SPTBN5: variants seen among roughly 807,000 people sequenced by gnomAD.
SPTBN5 encodes spectrin beta, non-erythrocytic 5, also known as spectrin beta chain, non-erythrocytic 5.
Under a neutral mutation model 477.6 loss-of-function variants are expected in SPTBN5, and 513 were observed. The ratio of observed to expected loss-of-function variants is 1.07; its 90% CI spans 1.00 to 1.16. SPTBN5 has a LOEUF of 1.16. SPTBN5 is among the 50% of genes most tolerant of loss of function. The pLI is 0.00. For missense variants in SPTBN5, 5,062 were observed against 4,731.8 expected (o/e 1.07, Z -2.05); for synonymous variants, 2,169 against 2,011.7 (o/e 1.08, Z -2.09).
intron 25 of SPTBN5, 36 bp from the exon 26 acceptor site, chr15:41,873,644 C>T: frequency 6.6e-7 from 1 of 1,518,578 alleles, no homozygotes; most frequent in Non-Finnish European, 8.9e-7. Context: ...TGGAGGATCT[C>T]AGACAGGACC....
At chr15:41,856,739 TC>T (rs1466254057) in intron 52 of SPTBN5, 113 bp downstream of exon 52, 3 of 1,352,218 alleles carry the variant, frequency 2.2e-6, no homozygotes, top group Non-Finnish European at 3.0e-6. Flanking sequence ...ATCCAGGGCA[TC>T]CCAAAAGCCC....
Position 41,865,875 on chromosome 15 carries a change from C to A in SPTBN5, c.6851G>T (p.Gly2284Val). Residue 2284 changes from glycine (G) to valine (V), a missense_variant, in exon 39 of 68, where the codon GGC becomes GTC. Physicochemically the swap from Gly to Val is moderately radical, Grantham distance 109. Transcript: ENST00000320955. ...CTGCAGGCAGTGCTCCAGGTCCTGG[C>A]CCAGGTCACCAACATTCATCTTCAC... ...KEVKMNVGDL[G>V]QDLEHCLQLR... 1.3e-6 allele frequency: 2 copies of A among 1,584,056 alleles called. No individual in the cohort carries two copies. The highest frequency in any genetic ancestry group is 2.3e-5 in the East Asian group (1 of 43,208).
At position 41,853,268 on chromosome 15, in the gene SPTBN5, A is replaced by G. The variant is rs763788049; in HGVS notation, c.10160T>C (p.Met3387Thr). 1.2e-6 allele frequency: 2 copies of G among 1,604,880 alleles called. No homozygotes were observed. The highest frequency in any genetic ancestry group is 1.7e-6 in the Non-Finnish European group (2 of 1,173,672). Reference protein sequence around the residue: ...GQQLVDNSHFMSAEVTECLQE... With the variant: ...GQQLVDNSHFTSAEVTECLQE... ...CCTCTGAGTTCACACCTCCGCAGAC[A>G]TGAAGTGGCTGTTGTCCACCAGCTG... Residue 3387 changes from methionine to threonine, a missense_variant, in exon 59 of 68, where the codon ATG becomes ACG. Met to Thr is a moderately conservative substitution (Grantham distance 81). Coordinates refer to ENST00000320955, the MANE Select transcript of SPTBN5 (RefSeq NM_016642.4).
chr15:41,888,882 C>T (rs1158311230), intron 4 of SPTBN5, among the ~76,000 whole-genome samples: 1 of 152,214 alleles, frequency 6.6e-6, no homozygotes, highest in Non-Finnish European at 1.5e-5. Flanking sequence ...GGAGTGGAGT[C>T]TCGAGGCCCT....
In SPTBN5 at chr15:41,867,623, G is replaced by T; in HGVS notation, c.6227C>A (p.Ala2076Asp). 6.2e-7 allele frequency: 1 copy of T among 1,613,606 alleles called. No individual in the cohort carries two copies. Among genetic ancestry groups the T allele is most frequent in the Non-Finnish European group, 8.5e-7 (1 of 1,179,884 alleles). Reference sequence around the variant, plus strand: ...TACCTCTTCCACCGAGCTCCCCAAGGCACTGGTTTTCAGGGAGACCTGGAT... The same window carrying T: ...TACCTCTTCCACCGAGCTCCCCAAGTCACTGGTTTTCAGGGAGACCTGGAT... ...AAQEVSLKTS[A>D]LGSSVEEVEQ... The change falls in exon 35 of 68, where the codon GCC becomes GAC. Residue 2076 changes from alanine (A) to aspartate (D), a missense_variant. By Grantham distance (126) the Ala-to-Asp change is moderately radical. Coordinates refer to ENST00000320955, the MANE Select transcript of SPTBN5 (RefSeq NM_016642.4).
chr15:41,885,881 G>A lies in SPTBN5; in HGVS notation c.1374C>T (p.Ser458=). The change falls in exon 7 of 68, where the codon AGC becomes AGT. Residue 458 remains serine, a synonymous_variant. Transcript: ENST00000320955. ...GGACGGCTGCCTCCACTGTGGCCAG[G>A]CTGGCTGGCGGGGCTCTGGCCTGGT... is the stretch of plus-strand genomic sequence containing the variant. The part of the protein sequence containing the change: ...VLDQARAPPA[S]LATVEAAVQR... 1 of 1,582,576 alleles carries A rather than the reference G, an allele frequency of 6.3e-7. No individual in the cohort carries two copies. The highest frequency in any genetic ancestry group is 8.6e-7 in the Non-Finnish European group (1 of 1,164,468).
chr15:41,882,035 G>A lies in SPTBN5; in HGVS notation c.2358C>T (p.Arg786=). ...GCAGGACGCGCTCCAGCCGCACGTG[G>A]CGCCTCAGCAGGGTCTCGGCGGCCG... ...DQAAAETLLR[R]HVRLERVLRA... Residue 786 remains arginine (R), a synonymous_variant, in exon 12 of 68, where the codon CGC becomes CGT. Coordinates refer to ENST00000320955, the MANE Select transcript of SPTBN5 (RefSeq NM_016642.4). The A allele has an allele frequency of 8.4e-6, 13 of 1,549,824 alleles. No individual in the cohort carries two copies. Among genetic ancestry groups the A allele is most frequent in the East Asian group, 2.4e-5 (1 of 40,902 alleles).
rs1385277557 is a variant in SPTBN5 at position 41,878,631 on chromosome 15, T to C, written c.3183-2A>G. 2 of 1,608,598 alleles carry C rather than the reference T, an allele frequency of 1.2e-6. No homozygotes were observed. The highest frequency in any genetic ancestry group is 1.7e-4 in the Middle Eastern group (1 of 6,036). ...TCTGCGTAGCCTGGCTCCTCGACCC[T>C]GGGAGACAGGGTGCGCTGCACAGTC... On this transcript the variant is annotated splice_acceptor_variant, in intron 16 of 67. Coordinates refer to ENST00000320955, the MANE Select transcript of SPTBN5 (RefSeq NM_016642.4). LOFTEE classifies it high-confidence loss of function.
In SPTBN5 at chr15:41,854,087, G is replaced by A. The variant is rs561365751; in HGVS notation, c.9737C>T (p.Ser3246Phe). 5.7e-6 allele frequency: 9 copies of A among 1,580,354 alleles called. No homozygotes were observed. Among genetic ancestry groups the A allele is most frequent in the Non-Finnish European group, 7.7e-6 (9 of 1,164,862 alleles). The change falls in exon 57 of 68, where the codon TCT (serine) becomes TTT (phenylalanine). Residue 3246 changes from serine (S) to phenylalanine (F), a missense_variant. By Grantham distance (155) the Ser-to-Phe change is radical. Coordinates refer to ENST00000320955, the MANE Select transcript of SPTBN5 (RefSeq NM_016642.4). Reference sequence around the variant, plus strand: ...GTGCTGTTGCTGCAGGGTCCGCACAGATGACAGGCTGTGGCCTCCGTCCTC... The same window carrying A: ...GTGCTGTTGCTGCAGGGTCCGCACAAATGACAGGCTGTGGCCTCCGTCCTC... ...KGEDGGHSLS[S>F]VRTLQQQHRR...
At position 41,881,968 on chromosome 15, in the gene SPTBN5, G is replaced by A. The variant is rs745538622; in HGVS notation, c.2425C>T (p.Arg809Trp). 2.0e-6 allele frequency: 3 copies of A among 1,531,052 alleles called. No individual in the cohort carries two copies. The South Asian group carries it at 3.6e-5, about 18-fold the overall frequency. 94.8% of individuals were successfully genotyped at this position (1,531,052 alleles called of 1,614,324 possible). Reference sequence around the variant, plus strand: ...AACGACGCCCGGGCCGAGGCCGCCCGCCCCTGCTCCTCCAGCCGCCGCAGC... The same window carrying A: ...AACGACGCCCGGGCCGAGGCCGCCCACCCCTGCTCCTCCAGCCGCCGCAGC... ...AELRRLEEQG[R>W]AASARASLFT... is the part of the protein sequence containing the mutation. Residue 809 changes from arginine (R) to tryptophan (W), a missense_variant, in exon 12 of 68, where the codon CGG becomes TGG. Transcript: ENST00000320955.
rs1164205274 is a variant in SPTBN5, at chr15:41,868,583, A to G, written c.5872T>C (p.Trp1958Arg). The G allele has an allele frequency of 2.5e-6, 4 of 1,600,000 alleles. No homozygotes were observed. Among genetic ancestry groups the G allele is most frequent in the Non-Finnish European group, 3.4e-6 (4 of 1,179,592 alleles). The change falls in exon 33 of 68, where the codon TGG (tryptophan) becomes CGG (arginine). Residue 1958 changes from tryptophan (W) to arginine (R), a missense_variant. Physicochemically the swap from Trp to Arg is moderately radical, Grantham distance 101 (BLOSUM62 -3). Transcript: ENST00000320955. ...AGGTCCTGGCGCACGCGGGCTGCCC[A>G]GGAGGCATAGTCACGCACCTGATCC... Reference protein sequence around the residue: ...FRTAVRDYASWAARVRQDLQV... With the variant: ...FRTAVRDYASRAARVRQDLQV...
Position 41,877,321 on chromosome 15 carries a change from G to T in SPTBN5, c.3506C>A (p.Ala1169Glu). The T allele has an allele frequency of 3.7e-6, 6 of 1,610,760 alleles. No homozygotes were observed. The highest frequency in any genetic ancestry group is 4.2e-6 in the Non-Finnish European group (5 of 1,178,514). The change falls in exon 18 of 68, where the codon GCA becomes GAA. Residue 1169 changes from alanine to glutamate, a missense_variant. Coordinates refer to ENST00000320955, the MANE Select transcript of SPTBN5 (RefSeq NM_016642.4). ...TTGGGAGTCTGGGCAGTCCAAGGCT[G>T]CCATGGGCTGGCTCTGAGCGTCCAG... is the stretch of plus-strand genomic sequence containing the variant. ...QQLDAQSQPMAALDCPDSQEV... is the reference protein window; with the variant it reads ...QQLDAQSQPMEALDCPDSQEV...
chr15:41,855,568 T>C lies in SPTBN5; in HGVS notation c.9199A>G (p.Ser3067Gly). 1 of 1,610,748 alleles carries C rather than the reference T, an allele frequency of 6.2e-7. No individual in the cohort carries two copies. ...RLQQTAALLE[S>G]RKNPESPKVL... is the part of the protein sequence containing the mutation. ...GCCCACCTTTCTGGGTTCTTCCTGC[T>C]CTCCAGGAGTGCTGCTGTCTGCTGC... The change falls in exon 54 of 68, where the codon AGC becomes GGC. Residue 3067 changes from serine to glycine, a missense_variant. Ser to Gly is a moderately conservative substitution (Grantham distance 56, BLOSUM62 0). Transcript: ENST00000320955.
rs73405227 is a variant in SPTBN5 at position 41,873,659 on chromosome 15, G to A, written c.4891-51C>T. 1.7e-4 allele frequency: 254 copies of A among 1,495,216 alleles called. No individual in the cohort carries two copies. The African/African-American group carries it at 2.9e-3, about 17-fold the overall frequency. 92.6% of individuals were successfully genotyped at this position (1,495,216 alleles called of 1,614,324 possible). A position where few individuals can be genotyped will look rare whatever the true frequency, so the allele number is the denominator to read the frequency against. ...TGGAGGATCTCAGACAGGACCCTCC[G>A]TCAGCCCTGGAGACATCTGCCCCTG... On this transcript the variant is annotated intron_variant, in intron 25 of 67. Coordinates refer to ENST00000320955, the MANE Select transcript of SPTBN5 (RefSeq NM_016642.4).
At chr15:41,876,451 C>T (rs1336386598) in intron 20 of SPTBN5, 97 bp downstream of exon 20, 53 of 1,346,022 alleles carry the variant, frequency 3.9e-5, no homozygotes, top group South Asian at 7.6e-5. Flanking sequence ...AATGACATAG[C>T]GCGTGAGGAA....
intron 35 of SPTBN5, 105 bp from the exon 36 acceptor site, chr15:41,867,231 C>G: frequency 7.6e-7 from 1 of 1,315,276 alleles, no homozygotes; most frequent in Non-Finnish European, 1.0e-6. Context: ...GCCCTTTCCT[C>G]AGCCCCACAT....
At chr15:41,871,546 G>A in intron 28 of SPTBN5, 26 bp from the exon 29 acceptor site, 1 of 1,451,672 alleles carries the variant, frequency 6.9e-7, no homozygotes, top group Non-Finnish European at 9.1e-7. Context: ...TGGGTGACAG[G>A]GTAGCCCCCA....
rs2067372655 is a variant in SPTBN5, at chr15:41,893,323, T to C, written c.175A>G (p.Thr59Ala). ...QARHMQMQEKTFTKWINNVFQ... is the reference protein window; with the variant it reads ...QARHMQMQEKAFTKWINNVFQ... ...ACGTTATTGATCCACTTGGTGAAAG[T>C]CTTCTCCTGCATCTGCATGTGCCGG... Residue 59 changes from threonine (T) to alanine (A), a missense_variant, in exon 2 of 68, where the codon ACT (threonine) becomes GCT (alanine). Transcript: ENST00000320955. The C allele has an allele frequency of 6.2e-7, 1 of 1,613,878 alleles. No individual in the cohort carries two copies. The highest frequency in any genetic ancestry group is 1.3e-5 in the African/African-American group (1 of 74,942).
At chr15:41,878,259 G>C in intron 17 of SPTBN5, 83 bp downstream of exon 17, 3 of 1,493,586 alleles carry the variant, frequency 2.0e-6, no homozygotes, top group Non-Finnish European at 2.7e-6. Context: ...ACTACTTCCC[G>C]CATGCTCTTT....
Sources: allele counts gnomAD v4.1 joint callset (sites outside exome capture counted in the v4.1 genomes callset), GRCh38; gene constraint gnomAD v4.1.1; transcripts MANE v1.5; gene names NCBI Gene and HGNC (gene_info 2026-07-23, HGNC 2026-07-21).